ENPP1: variants seen among roughly 807,000 people sequenced by gnomAD.
ENPP1 encodes ectonucleotide pyrophosphatase/phosphodiesterase family member 1.
A neutral mutation model predicts 122.8 loss-of-function variants in ENPP1; 73 were observed. That is an observed-to-expected ratio of 0.59 (90% CI 0.49 to 0.72). ENPP1 has a LOEUF of 0.72. Among genes scored for constraint, ENPP1 ranks in the 30% least tolerant of loss-of-function variants. ENPP1 has a pLI of 0.00. For missense variants in ENPP1, 978 were observed against 1,128.1 expected, an observed-to-expected ratio of 0.87 and a Z score of 1.91; for synonymous variants, 367 against 391.6, an observed-to-expected ratio of 0.94 and a Z score of 0.74.
At chr6:131,889,828 G>A (rs6906496) in intron 24 of ENPP1, among the ~76,000 whole-genome samples, 17,788 of 152,134 alleles carry the variant, frequency 0.12, 1,958 homozygotes, top group African/African-American at 0.29. Context: ...GCTGGGTCCA[G>A]TGGTATTTCT....
intron 12 of ENPP1, among the ~76,000 whole-genome samples, chr6:131,868,361 A>G (rs1158573541): frequency 6.6e-6 from 1 of 152,234 alleles, no homozygotes; most frequent in East Asian, 1.9e-4. Context: ...TAGCTAAAAA[A>G]TATATATTTT....
intron 11 of ENPP1, among the ~76,000 whole-genome samples, chr6:131,866,007 A>AG (rs71545016): frequency 0.035 from 5,286 of 150,450 alleles, 137 homozygotes; most frequent in African/African-American, 0.059. Flanking sequence ...AAAAAAAAAA[A>AG]AGAGAAAAAG....
intron 12 of ENPP1, 87 bp downstream of exon 12, chr6:131,868,213 T>C (rs1040406740): frequency 6.3e-6 from 6 of 946,550 alleles, no homozygotes; most frequent in African/African-American, 4.9e-5. Flanking sequence ...CTGAATGTTG[T>C]AGTTAATTCT....
At position 131,851,353 on chromosome 6, in the gene ENPP1, G is replaced by A. The variant is rs1211794905; in HGVS notation, c.556+86G>A. 1.9e-6 allele frequency: 3 copies of A among 1,564,910 alleles called. No homozygotes were observed. The African/African-American group carries it at 4.1e-5, about 21-fold the overall frequency. On this transcript the variant is annotated intron_variant, in intron 4 of 24. Transcript: ENST00000647893. The stretch of plus-strand genomic sequence containing the variant: ...ACATAGGTGTTATCTTTTATATTAG[G>A]AGTCATGGCTATTGGCCAACTATAT...
intron 23 of ENPP1, 33 bp from the exon 24 acceptor site, chr6:131,886,529 C>G (rs932044850): frequency 6.5e-7 from 1 of 1,531,258 alleles, no homozygotes; most frequent in Non-Finnish European, 9.0e-7. Flanking sequence ...ATAGTTATTT[C>G]TTTCTTAAAA....
At position 131,808,031 on chromosome 6, in the gene ENPP1, C is replaced by T; in HGVS notation, c.-5C>T. ...GGCAGCGGGGCCGGAGCGGCCGGGG[C>T]CACGATGGAGCGCGACGGCTGCGCG... On this transcript the variant is annotated 5_prime_UTR_variant, in exon 1 of 25. Transcript: ENST00000647893. 2.0e-6 allele frequency: 2 copies of T among 977,504 alleles called. No individual in the cohort carries two copies. Among genetic ancestry groups the T allele is most frequent in the Non-Finnish European group, 1.2e-6 (1 of 827,032 alleles). The allele number at this position is 977,504 out of a possible 1,614,324, so 60.6% of individuals were successfully genotyped here.
chr6:131,822,938 A>AT (rs1562510418), intron 1 of ENPP1, among the ~76,000 whole-genome samples: 1 of 152,024 alleles, frequency 6.6e-6, no homozygotes, highest in Non-Finnish European at 1.5e-5. Context: ...TCTGCTCAGA[A>AT]TTTTTCTGGG....
chr6:131,869,851 G>A (rs1297038733), intron 13 of ENPP1, among the ~76,000 whole-genome samples: 1 of 115,892 alleles, frequency 8.6e-6, no homozygotes, highest in Non-Finnish European at 1.6e-5. Flanking sequence ...GTGAGACTTG[G>A]TCTAAAAAAA....
chr6:131,846,923 C>G (rs1315240909), intron 1 of ENPP1, among the ~76,000 whole-genome samples: 1 of 152,108 alleles, frequency 6.6e-6, no homozygotes, highest in Non-Finnish European at 1.5e-5. Flanking sequence ...ATGTCAAAGA[C>G]CAGAAGAGTG....
Position 131,892,841 on chromosome 6 carries a change from T to C in ENPP1, c.*2330T>C, listed in dbSNP as rs945877904. 4.6e-5 allele frequency: 7 copies of C among 152,164 alleles called. No homozygotes were observed. The highest frequency in any genetic ancestry group is 7.3e-5 in the Non-Finnish European group (5 of 68,044). The allele number at this position is 152,164 out of a possible 1,614,324, so 9.4% of individuals were successfully genotyped here. A position where few individuals can be genotyped will look rare whatever the true frequency, so the allele number is the denominator to read the frequency against. ...TGTTTGGTTGGAGTACAGCCTTTTT[T>C]ACCCTTGCTTGGCTACCCTTTTCTG... On this transcript the variant is annotated 3_prime_UTR_variant, in exon 25 of 25. Coordinates refer to ENST00000647893, the MANE Select transcript of ENPP1 (RefSeq NM_006208.3).
intron 17 of ENPP1, among the ~76,000 whole-genome samples, chr6:131,876,162 C>T (rs1348540157): frequency 2.0e-5 from 3 of 152,144 alleles, no homozygotes; most frequent in African/African-American, 7.2e-5. Context: ...TGATTCTTGA[C>T]TCAGAGCAGT....
At chr6:131,819,953 T>TTTTC in intron 1 of ENPP1, 1 of 561,538 alleles carries the variant, frequency 1.8e-6, no homozygotes. Context: ...TTTTTTTTTT[T>TTTTC]CGCATCTTGC....
At position 131,808,140 on chromosome 6, in the gene ENPP1, C is replaced by T. The variant is rs1057084528; in HGVS notation, c.105C>T (p.His35=). 2.4e-5 allele frequency: 33 copies of T among 1,403,982 alleles called. No homozygotes were observed. The highest frequency in any genetic ancestry group is 4.5e-5 in the African/African-American group (3 of 66,478). 87.0% of individuals were successfully genotyped at this position (1,403,982 alleles called of 1,614,324 possible). The change falls in exon 1 of 25, where the codon CAC becomes CAT. Residue 35 remains histidine, a synonymous_variant. Coordinates refer to ENST00000647893, the MANE Select transcript of ENPP1 (RefSeq NM_006208.3). ...ACGGCCGCGATCGGGGCCGCAGCCA[C>T]GCTGCCGAGGCGCCCGGGGACCCGC... ...AGNGRDRGRS[H]AAEAPGDPQA...
At chr6:131,830,718 T>C (rs1390093065) in intron 1 of ENPP1, among the ~76,000 whole-genome samples, 1 of 152,168 alleles carries the variant, frequency 6.6e-6, no homozygotes, top group Non-Finnish European at 1.5e-5. Context: ...TACAAAATAG[T>C]ATTACATGCA....
At chr6:131,845,043 G>GTTTTTTTTT (rs142380855) in intron 1 of ENPP1, among the ~76,000 whole-genome samples, 9 of 84,986 alleles carry the variant, frequency 1.1e-4, no homozygotes, top group African/African-American at 3.0e-4. Flanking sequence ...ATTCTTCATG[G>GTTTTTTTTT]TTTTTTTTTT....
chr6:131,809,226 A>G (rs1781319140), intron 1 of ENPP1, among the ~76,000 whole-genome samples: 2 of 152,234 alleles, frequency 1.3e-5, no homozygotes, highest in African/African-American at 4.8e-5. Context: ...TATGGAAATC[A>G]CAGATTTCTA....
At chr6:131,881,694 T>C (rs1294380295) in intron 20 of ENPP1, among the ~76,000 whole-genome samples, 4 of 152,138 alleles carry the variant, frequency 2.6e-5, no homozygotes, top group Admixed American at 1.3e-4. Flanking sequence ...CCATCCTGGC[T>C]AACATGGTGA....
intron 3 of ENPP1, among the ~76,000 whole-genome samples, chr6:131,850,854 A>G (rs75044608): frequency 9.8e-5 from 15 of 152,372 alleles, no homozygotes; most frequent in African/African-American, 3.4e-4. Context: ...AAATTTTAGC[A>G]GGTAGAAGAA....
At chr6:131,872,162 G>C in intron 14 of ENPP1, 61 bp downstream of exon 14, 8 of 1,171,670 alleles carry the variant, frequency 6.8e-6, no homozygotes, top group Non-Finnish European at 1.0e-5. Context: ...TATATTGAGA[G>C]AAAAGTTTCA....
Sources: gnomAD v4.1 joint callset for allele counts (sites outside exome capture counted in the v4.1 genomes callset) on GRCh38, gnomAD v4.1.1 for gene constraint, MANE v1.5 for transcripts, NCBI Gene and HGNC (gene_info 2026-07-23, HGNC 2026-07-21) for gene names.